TTC21B: variants seen among roughly 807,000 people sequenced by gnomAD.
The protein encoded by TTC21B is tetratricopeptide repeat domain 21B.
TTC21B carries 127 observed loss-of-function variants against 175.1 expected under a neutral mutation model. The ratio of observed to expected loss-of-function variants is 0.73; its 90% CI spans 0.63 to 0.84. The LOEUF (loss-of-function observed/expected upper bound fraction) is 0.84. Ranked by LOEUF, TTC21B falls within the 40% of genes least tolerant of loss-of-function variation. The probability of loss-of-function intolerance (pLI) is 0.00; values close to 1 mark genes in which losing one functional copy is unlikely to be tolerated. For synonymous variants in TTC21B, 524 were observed against 524.5 expected (o/e 1.00, Z 0.01); for missense variants, 1,561 against 1,558.3 (o/e 1.00, Z -0.03).
intron 6 of TTC21B, among the ~76,000 whole-genome samples, chr2:165,940,166 T>C (rs1201413767): frequency 1.3e-5 from 2 of 152,138 alleles, no homozygotes; most frequent in African/African-American, 4.8e-5. Flanking sequence ...CAGATTCCAA[T>C]CACTTCTCAA....
rs773749203 is a variant in TTC21B, at chr2:165,929,349, A to G, written c.1186-14T>C. On this transcript the variant is annotated splice_polypyrimidine_tract_variant and intron_variant, in intron 10 of 28. Coordinates refer to ENST00000243344, the MANE Select transcript of TTC21B (RefSeq NM_024753.5). ...ATAGATTAATTCCTAGAAAATAAGT[A>G]GTTTTCATAAATTATTCCATTTAGT... 1 of 1,582,116 alleles carries G rather than the reference A, an allele frequency of 6.3e-7. No individual in the cohort carries two copies. Among genetic ancestry groups the G allele is most frequent in the Non-Finnish European group, 8.7e-7 (1 of 1,154,144 alleles).
Position 165,949,726 on chromosome 2 carries a change from TA to T in TTC21B, c.22-3del, listed in dbSNP as rs753692468. 1 of 1,608,418 alleles carries T rather than the reference TA, an allele frequency of 6.2e-7. No homozygotes were observed. Among genetic ancestry groups the T allele is most frequent in the East Asian group, 2.2e-5 (1 of 44,772 alleles). On this transcript the variant is annotated splice_region_variant and splice_polypyrimidine_tract_variant and intron_variant, in intron 1 of 28. Coordinates refer to ENST00000243344, the MANE Select transcript of TTC21B (RefSeq NM_024753.5). ...TTGACAATAGTAATTAATCAAAGTC[TA>T]AATGGAAATAATGAAAAAATGTTAT...
At chr2:165,920,725 T>C (rs994883397) in intron 12 of TTC21B, among the ~76,000 whole-genome samples, 1 of 152,116 alleles carries the variant, frequency 6.6e-6, no homozygotes, top group African/African-American at 2.4e-5. Flanking sequence ...GGTGAGGAGA[T>C]GGATATGTAG....
intron 6 of TTC21B, among the ~76,000 whole-genome samples, chr2:165,939,338 T>A (rs1687282535): frequency 6.6e-6 from 1 of 152,234 alleles, no homozygotes; most frequent in African/African-American, 2.4e-5. Context: ...ATTCTAAGAC[T>A]ATAAACCTTA....
At chr2:165,921,600 G>A (rs909970060) in intron 12 of TTC21B, among the ~76,000 whole-genome samples, 1 of 152,132 alleles carries the variant, frequency 6.6e-6, no homozygotes, top group Admixed American at 6.5e-5. Flanking sequence ...GAGGCTCTAG[G>A]AGTGCCCAAA....
chr2:165,923,701 C>T (rs1051575828), intron 12 of TTC21B, among the ~76,000 whole-genome samples: 1 of 149,128 alleles, frequency 6.7e-6, no homozygotes, highest in Non-Finnish European at 1.5e-5. Flanking sequence ...CTGGGCCTCC[C>T]AAAGTGCTGG....
intron 22 of TTC21B, among the ~76,000 whole-genome samples, chr2:165,892,840 C>A (rs572853487): frequency 6.6e-6 from 1 of 152,252 alleles, no homozygotes; most frequent in South Asian, 2.1e-4. Flanking sequence ...CTGAACAGTA[C>A]ACTTAAAAAT....
chr2:165,915,477 T>C lies in TTC21B; in HGVS notation c.1900-38A>G, dbSNP rs754540818. 8.1e-6 allele frequency: 12 copies of C among 1,478,620 alleles called. No individual in the cohort carries two copies. The Admixed American group carries it at 1.7e-4, about 21-fold the overall frequency. The allele number at this position is 1,478,620 out of a possible 1,614,324, so 91.6% of individuals were successfully genotyped here. A position where few individuals can be genotyped will look rare whatever the true frequency, so the allele number is the denominator to read the frequency against. ...AATTAAAATAATCATTCTTCCAAAATAGTGAACAAATAACACTAGAAAGGG... is the reference window on the plus strand; with the variant it reads ...AATTAAAATAATCATTCTTCCAAAACAGTGAACAAATAACACTAGAAAGGG... On this transcript the variant is annotated intron_variant, in intron 14 of 28. Transcript: ENST00000243344.
chr2:165,945,709 A>G lies in TTC21B; in HGVS notation c.263-19T>C, dbSNP rs1385849269. 1 of 1,608,688 alleles carries G rather than the reference A, an allele frequency of 6.2e-7. No individual in the cohort carries two copies. Among genetic ancestry groups the G allele is most frequent in the Non-Finnish European group, 8.5e-7 (1 of 1,178,228 alleles). ...TCTCTATCTGGTAGGGGAAAATGAT[A>G]TTAAATAAAAATTAAATTCTGGATC... On this transcript the variant is annotated intron_variant, in intron 3 of 28. Coordinates refer to ENST00000243344, the MANE Select transcript of TTC21B (RefSeq NM_024753.5).
intron 21 of TTC21B, among the ~76,000 whole-genome samples, chr2:165,899,308 T>C (rs1231223002): frequency 6.6e-6 from 1 of 152,182 alleles, no homozygotes; most frequent in African/African-American, 2.4e-5. Flanking sequence ...AGCTAACAAA[T>C]ATTTTAGCCC....
chr2:165,915,130 TA>T (rs1018891704), intron 15 of TTC21B, 70 bp downstream of exon 15: 588 of 1,243,796 alleles, frequency 4.7e-4, no homozygotes, highest in African/African-American at 7.6e-4. Flanking sequence ...GAAAGAAAGT[TA>T]AAAAAAAATT....
chr2:165,945,129 C>G (rs1342501069), intron 4 of TTC21B, among the ~76,000 whole-genome samples: 1 of 151,992 alleles, frequency 6.6e-6, no homozygotes, highest in African/African-American at 2.4e-5. Context: ...TTCATGAAAG[C>G]AAAGTTTATG....
At chr2:165,895,060 G>A (rs1343366554) in intron 22 of TTC21B, among the ~76,000 whole-genome samples, 4 of 152,060 alleles carry the variant, frequency 2.6e-5, no homozygotes, top group Non-Finnish European at 2.9e-5. Flanking sequence ...TTTAATGTAG[G>A]TGGTGGTAGT....
chr2:165,922,561 A>G (rs1257067455), intron 12 of TTC21B, among the ~76,000 whole-genome samples: 1 of 142,850 alleles, frequency 7.0e-6, no homozygotes, highest in Non-Finnish European at 1.5e-5. Flanking sequence ...CCACTATTAA[A>G]AAGTCAAAAA....
chr2:165,927,005 T>C (rs1181918916), intron 11 of TTC21B, among the ~76,000 whole-genome samples: 1 of 131,086 alleles, frequency 7.6e-6, no homozygotes, highest in Non-Finnish European at 1.6e-5. Context: ...TATATATATA[T>C]ATATATATAT....
rs1687500876 is a variant in TTC21B, at chr2:165,945,063, T to C, written c.429+461A>G. On this transcript the variant is annotated intron_variant, in intron 4 of 28. Transcript: ENST00000243344. ...AATCACATATCTCTCATATCATCTATCATTTTTCTCACAATATTAGCTGGG... is the reference window on the plus strand; with the variant it reads ...AATCACATATCTCTCATATCATCTACCATTTTTCTCACAATATTAGCTGGG... Among the ~76,000 whole-genome samples, 4 of 152,242 alleles carry C rather than the reference T, an allele frequency of 2.6e-5. 1 individual carries two copies. In the South Asian group the frequency reaches 8.3e-4, roughly 31 times the overall value.
intron 20 of TTC21B, 58 bp downstream of exon 20, chr2:165,901,664 G>C: frequency 6.6e-7 from 1 of 1,523,260 alleles, no homozygotes; most frequent in African/African-American, 1.4e-5. Flanking sequence ...TTTTACATCT[G>C]AGGAAATTAG....
chr2:165,875,538 G>A (rs1684640415), intron 28 of TTC21B, among the ~76,000 whole-genome samples: 1 of 152,078 alleles, frequency 6.6e-6, no homozygotes, highest in African/African-American at 2.4e-5. Context: ...TATATATAAA[G>A]AGACTCTACA....
chr2:165,894,612 T>C (rs1685301045), intron 22 of TTC21B, among the ~76,000 whole-genome samples: 1 of 152,182 alleles, frequency 6.6e-6, no homozygotes, highest in Non-Finnish European at 1.5e-5. Context: ...TCTCACTCTG[T>C]CACCGAGGCT....
Sources: gnomAD v4.1 joint callset for allele counts (sites outside exome capture counted in the v4.1 genomes callset) on GRCh38, gnomAD v4.1.1 for gene constraint, MANE v1.5 for transcripts, NCBI Gene and HGNC (gene_info 2026-07-23, HGNC 2026-07-21) for gene names.